Variants in ZBTB20 observed in about 807,000 individuals in gnomAD.
The protein encoded by ZBTB20 is zinc finger and BTB domain-containing protein 20.
Under a neutral mutation model 56.9 loss-of-function variants are expected in ZBTB20, and 9 were observed. That is an observed-to-expected ratio of 0.16 (90% confidence interval 0.10 to 0.28). The LOEUF (loss-of-function observed/expected upper bound fraction) is 0.28. ZBTB20 is among the 10% of genes least tolerant of loss of function. The pLI is 1.00. For missense variants in ZBTB20, 655 were observed against 1,003.0 expected (o/e 0.65, Z 4.69); for synonymous variants, 417 against 420.7 (o/e 0.99, Z 0.11).
chr3:114,454,024 T>C (rs1005253817), intron 7 of ZBTB20, among the ~76,000 whole-genome samples: 6 of 137,636 alleles, frequency 4.4e-5, no homozygotes, highest in Non-Finnish European at 7.7e-5. Flanking sequence ...GCAAAACACT[T>C]AGAGGCTTTT....
intron 3 of ZBTB20, among the ~76,000 whole-genome samples, chr3:114,940,999 C>T (rs995536302): frequency 6.9e-6 from 1 of 145,734 alleles, no homozygotes. Flanking sequence ...ATCCACAGAG[C>T]GAATTTGGTG....
intron 2 of ZBTB20, among the ~76,000 whole-genome samples, chr3:115,016,135 T>C (rs761806938): frequency 4.6e-5 from 7 of 152,048 alleles, no homozygotes; most frequent in Admixed American, 1.3e-4. Flanking sequence ...TGTCTGTTCA[T>C]GTGCTCTGCC....
intron 6 of ZBTB20, among the ~76,000 whole-genome samples, chr3:114,544,711 G>A (rs1332447690): frequency 1.3e-5 from 2 of 151,826 alleles, no homozygotes; most frequent in Non-Finnish European, 2.9e-5. Flanking sequence ...TGCCATGTTG[G>A]CCAGGGTGGT....
intron 6 of ZBTB20, among the ~76,000 whole-genome samples, chr3:114,620,418 G>A (rs762113915): frequency 2.0e-5 from 3 of 151,904 alleles, no homozygotes; most frequent in African/African-American, 4.8e-5. Context: ...TCAGCCTCCC[G>A]AGCAGCTAGG....
intron 2 of ZBTB20, among the ~76,000 whole-genome samples, chr3:115,025,512 G>A (rs2080387033): frequency 1.3e-5 from 2 of 151,132 alleles, no homozygotes; most frequent in Non-Finnish European, 3.0e-5. Flanking sequence ...TGGTTTTCTA[G>A]TTGGAAAAGT....
At position 114,319,148 on chromosome 3, in the gene ZBTB20, G is replaced by GT. The variant is rs574460424; in HGVS notation, c.*19856dup. The GT allele has an allele frequency of 6.7e-6, 1 of 148,404 alleles. No homozygotes were observed. The highest frequency in any genetic ancestry group is 2.1e-4 in the South Asian group (1 of 4,664). The allele number at this position is 148,404 out of a possible 1,614,324, so 9.2% of individuals were successfully genotyped here. A position where few individuals can be genotyped will look rare whatever the true frequency, so the allele number is the denominator to read the frequency against. On this transcript the variant is annotated 3_prime_UTR_variant, in exon 12 of 12. Coordinates refer to ENST00000675478, the MANE Select transcript of ZBTB20 (RefSeq NM_001348800.3). ...TCCTTAAGGGCAAACTTTTCGATTAGTTTTTTTCTTTTTTTTTTTTTAAAT... is the reference window on the plus strand; with the variant it reads ...TCCTTAAGGGCAAACTTTTCGATTAGTTTTTTTTCTTTTTTTTTTTTTAAAT...
At chr3:114,993,504 A>T (rs1318500965) in intron 2 of ZBTB20, among the ~76,000 whole-genome samples, 4 of 151,902 alleles carry the variant, frequency 2.6e-5, no homozygotes, top group Non-Finnish European at 4.4e-5. Context: ...ATAAAATTCA[A>T]CCATTATGAT....
chr3:114,371,597 T>C (rs971931517), intron 10 of ZBTB20, among the ~76,000 whole-genome samples: 14 of 152,206 alleles, frequency 9.2e-5, no homozygotes, highest in African/African-American at 3.1e-4. Flanking sequence ...GTCCTCCACA[T>C]TGAAAGCATC....
chr3:114,854,216 CATA>C (rs1388326670), intron 4 of ZBTB20, among the ~76,000 whole-genome samples: 15 of 152,072 alleles, frequency 9.9e-5, no homozygotes, highest in African/African-American at 3.6e-4. Context: ...TGGAAAATGA[CATA>C]ATATGTGTCA....
intron 5 of ZBTB20, among the ~76,000 whole-genome samples, chr3:114,733,777 C>G (rs2065932027): frequency 6.6e-6 from 1 of 152,052 alleles, no homozygotes; most frequent in African/African-American, 2.4e-5. Flanking sequence ...GTAGTAGAAG[C>G]ATGGAAGGGT....
At chr3:114,589,135 G>C (rs1296704329) in intron 6 of ZBTB20, among the ~76,000 whole-genome samples, 1 of 152,148 alleles carries the variant, frequency 6.6e-6, no homozygotes, top group East Asian at 1.9e-4. Context: ...AATTCAAGAT[G>C]AGATTTGGGT....
chr3:114,810,978 C>T (rs1188931490), intron 4 of ZBTB20, among the ~76,000 whole-genome samples: 2 of 152,078 alleles, frequency 1.3e-5, no homozygotes, highest in Non-Finnish European at 2.9e-5. Context: ...CCAAAATTCT[C>T]CCATGGGAGA....
intron 2 of ZBTB20, among the ~76,000 whole-genome samples, chr3:115,038,182 G>GA (rs1465125008): frequency 1.3e-5 from 2 of 152,150 alleles, no homozygotes; most frequent in East Asian, 3.9e-4. Flanking sequence ...GACCTACAGG[G>GA]AAAATCTACG....
chr3:114,467,107 G>A (rs1350882078), intron 7 of ZBTB20, among the ~76,000 whole-genome samples: 3 of 152,256 alleles, frequency 2.0e-5, no homozygotes, highest in East Asian at 3.9e-4. Context: ...TGTGTCTGGG[G>A]TCAATTTGAC....
chr3:114,458,112 T>A (rs1228260245), intron 7 of ZBTB20, among the ~76,000 whole-genome samples: 1 of 151,912 alleles, frequency 6.6e-6, no homozygotes, highest in East Asian at 1.9e-4. Flanking sequence ...AAGGGAAGAG[T>A]GCTGACCATG....
intron 6 of ZBTB20, among the ~76,000 whole-genome samples, chr3:114,504,903 A>C (rs1201631731): frequency 6.6e-6 from 1 of 152,206 alleles, no homozygotes. Context: ...GCGTCTGAAT[A>C]AGTGTGTGCC....
chr3:114,549,667 A>G (rs2050311344), intron 6 of ZBTB20, among the ~76,000 whole-genome samples: 1 of 150,944 alleles, frequency 6.6e-6, no homozygotes, highest in Non-Finnish European at 1.5e-5. Flanking sequence ...CTCTTTTTTC[A>G]TTTCTCTAAT....
intron 4 of ZBTB20, among the ~76,000 whole-genome samples, chr3:114,859,357 C>G (rs115643136): frequency 0.02 from 3,041 of 149,568 alleles, 45 homozygotes; most frequent in Middle Eastern, 0.089. Context: ...CTCTCTCCCT[C>G]TCTTCTCCTT....
chr3:115,116,088 TTGTC>T (rs2084010386), intron 1 of ZBTB20, among the ~76,000 whole-genome samples: 1 of 152,068 alleles, frequency 6.6e-6, no homozygotes, highest in African/African-American at 2.4e-5. Flanking sequence ...TTTCAGTCAG[TTGTC>T]TGTTTTGTAA....
Sources: gnomAD v4.1 joint callset for allele counts (sites outside exome capture counted in the v4.1 genomes callset) on GRCh38, gnomAD v4.1.1 for gene constraint, MANE v1.5 for transcripts, NCBI Gene and HGNC (gene_info 2026-07-23, HGNC 2026-07-21) for gene names.